MRPL1: variants seen among roughly 807,000 people sequenced by gnomAD.
MRPL1 encodes the protein large ribosomal subunit protein uL1m.
Under a neutral mutation model 38.0 loss-of-function variants are expected in MRPL1, and 28 were observed. The observed-to-expected ratio is 0.74, with a 90% CI of 0.55 to 1.01. The LOEUF is 1.01. MRPL1 is among the 50% of genes least tolerant of loss of function. The pLI, the probability that MRPL1 is intolerant of heterozygous loss-of-function variation, is 0.00. For synonymous variants in MRPL1, 123 were observed against 126.7 expected (o/e 0.97, Z 0.20); for missense variants, 358 against 389.8 (o/e 0.92, Z 0.69).
intron 3 of MRPL1, 138 bp downstream of exon 3, chr4:77,883,638 T>A (rs540914621): frequency 2.4e-6 from 2 of 843,980 alleles, no homozygotes; most frequent in Non-Finnish European, 3.5e-6. Flanking sequence ...AGTGCGGTGG[T>A]ATGATCTCAG....
At chr4:77,888,942 A>G (rs937064254) in intron 5 of MRPL1, among the ~76,000 whole-genome samples, 28 of 152,280 alleles carry the variant, frequency 1.8e-4, no homozygotes, top group African/African-American at 6.5e-4. Context: ...TATCCTAAAT[A>G]TATATGCACC....
chr4:77,934,867 G>A (rs537987586), intron 7 of MRPL1, among the ~76,000 whole-genome samples: 18 of 152,218 alleles, frequency 1.2e-4, no homozygotes, highest in African/African-American at 4.1e-4. Flanking sequence ...GGAAATTGAC[G>A]CATCCTACAA....
chr4:77,947,779 G>C (rs994806407), intron 7 of MRPL1, among the ~76,000 whole-genome samples: 9 of 152,146 alleles, frequency 5.9e-5, no homozygotes, highest in Non-Finnish European at 8.8e-5. Flanking sequence ...ATGCCTATGA[G>C]ATATGTAACA....
chr4:77,898,434 C>G (rs1735965464), intron 6 of MRPL1, among the ~76,000 whole-genome samples: 1 of 151,458 alleles, frequency 6.6e-6, no homozygotes, highest in Non-Finnish European at 1.5e-5. Flanking sequence ...ATGTTTAATC[C>G]AGCACTCATT....
chr4:77,879,917 G>C (rs79799742), intron 2 of MRPL1, among the ~76,000 whole-genome samples: 2,432 of 152,280 alleles, frequency 0.016, 64 homozygotes, highest in African/African-American at 0.055. Flanking sequence ...TTAGCTGGGA[G>C]GGTACTATTA....
chr4:77,948,527 G>A (rs751441280), intron 7 of MRPL1, among the ~76,000 whole-genome samples: 5 of 152,130 alleles, frequency 3.3e-5, no homozygotes, highest in African/African-American at 4.8e-5. Flanking sequence ...CTGCAGTAAT[G>A]TCCAACCTTT....
rs1167006312 is a variant in MRPL1, at chr4:77,894,056, A to G, written c.559-83A>G. Reference sequence around the variant, plus strand: ...CTTAATGTCTGTTTTCTGAATTATAAAGGAAATGACTACATTGTACTTTTT... The same window carrying G: ...CTTAATGTCTGTTTTCTGAATTATAGAGGAAATGACTACATTGTACTTTTT... On this transcript the variant is annotated intron_variant, in intron 5 of 8. Transcript: ENST00000315567. 8 of 776,740 alleles carry G rather than the reference A, an allele frequency of 1.0e-5. No homozygotes were observed. In the Admixed American group the frequency reaches 2.1e-4, roughly 20 times the overall value. The allele number at this position is 776,740 out of a possible 1,614,324, so 48.1% of individuals were successfully genotyped here.
At chr4:77,873,914 G>A (rs530528999) in intron 2 of MRPL1, among the ~76,000 whole-genome samples, 81 of 151,842 alleles carry the variant, frequency 5.3e-4, no homozygotes, top group African/African-American at 1.7e-3. Flanking sequence ...CTTTGTAATC[G>A]TCTGTGCATA....
At chr4:77,900,295 G>C (rs751510954) in intron 6 of MRPL1, among the ~76,000 whole-genome samples, 19 of 152,176 alleles carry the variant, frequency 1.2e-4, no homozygotes, top group Admixed American at 5.2e-4. Flanking sequence ...TTAGTACTGA[G>C]GATTGAAAAA....
chr4:77,889,699 T>G (rs1735763345), intron 5 of MRPL1, among the ~76,000 whole-genome samples: 1 of 152,162 alleles, frequency 6.6e-6, no homozygotes, highest in Admixed American at 6.5e-5. Context: ...ATTAGCTGGT[T>G]TTTTGAAGAG....
intron 6 of MRPL1, among the ~76,000 whole-genome samples, chr4:77,905,732 A>G (rs1267279614): frequency 1.3e-5 from 2 of 152,160 alleles, no homozygotes; most frequent in Non-Finnish European, 1.5e-5. Context: ...ATACAGATAT[A>G]TACATTTTTT....
At chr4:77,942,899 A>G (rs1218494247) in intron 7 of MRPL1, among the ~76,000 whole-genome samples, 2 of 152,180 alleles carry the variant, frequency 1.3e-5, no homozygotes, top group Non-Finnish European at 2.9e-5. Context: ...GATGTGAGGT[A>G]CTATTCTATT....
chr4:77,938,590 G>C (rs200205137), intron 7 of MRPL1, among the ~76,000 whole-genome samples: 1 of 152,088 alleles, frequency 6.6e-6, no homozygotes, highest in Non-Finnish European at 1.5e-5. Context: ...GGTTTGTTTT[G>C]TCTTATTGAA....
chr4:77,894,237 A>G lies in MRPL1; in HGVS notation c.657A>G (p.Pro219=). 6.3e-7 allele frequency: 1 copy of G among 1,578,320 alleles called. No individual in the cohort carries two copies. Among genetic ancestry groups the G allele is most frequent in the Non-Finnish European group, 8.6e-7 (1 of 1,156,550 alleles). ...GGAAGAAACTGAATAAAAAATATCCAAAGCTTTCTCGAAGTAAGAGAATTC... is the reference window on the plus strand; with the variant it reads ...GGAAGAAACTGAATAAAAAATATCCGAAGCTTTCTCGAAGTAAGAGAATTC... ...RLRKKLNKKY[P]KLSRNSIGRD... The change falls in exon 6 of 9, where the codon CCA becomes CCG. Residue 219 remains proline, a synonymous_variant. Coordinates refer to ENST00000315567, the MANE Select transcript of MRPL1 (RefSeq NM_020236.4).
intron 6 of MRPL1, among the ~76,000 whole-genome samples, chr4:77,902,426 T>A (rs1736057952): frequency 6.8e-6 from 1 of 147,828 alleles, no homozygotes; most frequent in Admixed American, 6.7e-5. Flanking sequence ...AAAGAATGGG[T>A]TAAAATCATT....
At position 77,887,256 on chromosome 4, in the gene MRPL1, G is replaced by A. The variant is rs377510559; in HGVS notation, c.523G>A (p.Ala175Thr). The change falls in exon 5 of 9, where the codon GCT (alanine) becomes ACT (threonine). Residue 175 changes from alanine to threonine, a missense_variant. Transcript: ENST00000315567. ...GGTCAAAATAGCGGAAGAAAATGGAGCTGCATTTGCAGGAGGCACTAGTCT... is the reference window on the plus strand; with the variant it reads ...GGTCAAAATAGCGGAAGAAAATGGAACTGCATTTGCAGGAGGCACTAGTCT... Reference protein sequence around the residue: ...SEVKIAEENGAAFAGGTSLIQ... With the variant: ...SEVKIAEENGTAFAGGTSLIQ... The A allele has an allele frequency of 2.8e-5, 45 of 1,613,918 alleles. No individual in the cohort carries two copies. Among genetic ancestry groups the A allele is most frequent in the Non-Finnish European group, 3.5e-5 (41 of 1,179,902 alleles).
At chr4:77,935,849 T>C (rs1464209232) in intron 7 of MRPL1, among the ~76,000 whole-genome samples, 1 of 151,782 alleles carries the variant, frequency 6.6e-6, no homozygotes, top group Non-Finnish European at 1.5e-5. Context: ...GGAGAATCAC[T>C]TGAACCTGCG....
intron 2 of MRPL1, among the ~76,000 whole-genome samples, chr4:77,878,587 A>C (rs1735454765): frequency 6.6e-6 from 1 of 152,112 alleles, no homozygotes; most frequent in Admixed American, 6.5e-5. Flanking sequence ...ATTTTTAAAA[A>C]TCTTATTTTA....
intron 4 of MRPL1, among the ~76,000 whole-genome samples, chr4:77,886,920 TA>T (rs1371281409): frequency 2.0e-5 from 3 of 150,672 alleles, no homozygotes; most frequent in Non-Finnish European, 4.4e-5. Context: ...GCCTCCTGAG[TA>T]GCTGGGACTT....
Sources: allele counts gnomAD v4.1 joint callset (sites outside exome capture counted in the v4.1 genomes callset), GRCh38; gene constraint gnomAD v4.1.1; transcripts MANE v1.5; gene names NCBI Gene and HGNC (gene_info 2026-07-23, HGNC 2026-07-21).